Variants in BICC1 observed in about 807,000 individuals in gnomAD.
The protein encoded by BICC1 is BicC family RNA binding protein 1.
In BICC1, 43 loss-of-function variants were observed where a neutral mutation model predicts 111.0. The observed-to-expected ratio is 0.39, with a 90% CI of 0.30 to 0.50. The LOEUF is 0.50. Ranked by LOEUF, BICC1 falls within the 20% of genes least tolerant of loss-of-function variation. The pLI, the probability that BICC1 is intolerant of heterozygous loss-of-function variation, is 0.88. For synonymous variants in BICC1, 467 were observed against 434.4 expected (o/e 1.07, Z -0.93); for missense variants, 1,091 against 1,203.2 (o/e 0.91, Z 1.38).
chr10:58,768,506 T>G (rs539635691), intron 3 of BICC1, among the ~76,000 whole-genome samples: 1 of 152,218 alleles, frequency 6.6e-6, no homozygotes, highest in South Asian at 2.1e-4. Flanking sequence ...AGCATGAAAA[T>G]ATAGTATTTT....
chr10:58,526,741 T>C (rs2131841695), intron 1 of BICC1, among the ~76,000 whole-genome samples: 1 of 152,206 alleles, frequency 6.6e-6, no homozygotes, highest in East Asian at 1.9e-4. Context: ...ATCCATGCCC[T>C]ACCAAGGACA....
intron 1 of BICC1, among the ~76,000 whole-genome samples, chr10:58,530,993 A>G (rs1842668272): frequency 6.6e-6 from 1 of 151,888 alleles, no homozygotes. Context: ...TGGTTTTGAA[A>G]CAGGTAAGAA....
chr10:58,825,880 A>T (rs575518678), intron 20 of BICC1, among the ~76,000 whole-genome samples: 3 of 152,172 alleles, frequency 2.0e-5, no homozygotes, highest in Non-Finnish European at 4.4e-5. Context: ...AAGCAAAGTT[A>T]TGACATCATG....
At chr10:58,596,281 C>T (rs1371176827) in intron 1 of BICC1, among the ~76,000 whole-genome samples, 1 of 152,154 alleles carries the variant, frequency 6.6e-6, no homozygotes, top group Non-Finnish European at 1.5e-5. Context: ...TAAATGTAAT[C>T]CATCACATAA....
chr10:58,711,800 TTTTTTTTG>T (rs965547197), intron 3 of BICC1, among the ~76,000 whole-genome samples: 3 of 27,974 alleles, frequency 1.1e-4, no homozygotes, highest in African/African-American at 2.1e-4. Flanking sequence ...CTGGTAGTTT[TTTTTTTTG>T]TTTTTTTTTT....
intron 1 of BICC1, among the ~76,000 whole-genome samples, chr10:58,595,524 C>T (rs1370700174): frequency 6.6e-6 from 1 of 152,146 alleles, no homozygotes; most frequent in Non-Finnish European, 1.5e-5. Context: ...TCTCTCAGAC[C>T]ACAGTGCAAT....
At chr10:58,678,910 A>G (rs1167090972) in intron 2 of BICC1, among the ~76,000 whole-genome samples, 3 of 152,250 alleles carry the variant, frequency 2.0e-5, no homozygotes, top group Admixed American at 6.5e-5. Flanking sequence ...ATACATGGAA[A>G]CTGAACAACC....
At chr10:58,703,753 A>G (rs1374431670) in intron 3 of BICC1, among the ~76,000 whole-genome samples, 1 of 152,238 alleles carries the variant, frequency 6.6e-6, no homozygotes, top group Non-Finnish European at 1.5e-5. Flanking sequence ...GAACTTGAAC[A>G]TAGACTAAAT....
chr10:58,802,404 G>C (rs1033231759), intron 14 of BICC1, among the ~76,000 whole-genome samples: 2 of 152,194 alleles, frequency 1.3e-5, no homozygotes, highest in African/African-American at 4.8e-5. Flanking sequence ...GTACTTGATT[G>C]ATATTGCAAT....
intron 2 of BICC1, among the ~76,000 whole-genome samples, chr10:58,645,952 C>T (rs746469225): frequency 3.9e-5 from 6 of 152,184 alleles, no homozygotes; most frequent in East Asian, 3.8e-4. Flanking sequence ...CCCTCACATA[C>T]GCAGTTATGG....
chr10:58,691,496 C>T (rs750445138), intron 2 of BICC1, among the ~76,000 whole-genome samples: 42 of 152,170 alleles, frequency 2.8e-4, no homozygotes, highest in Middle Eastern at 3.2e-3. Context: ...CCACACACCA[C>T]GAAAATTGTC....
intron 3 of BICC1, among the ~76,000 whole-genome samples, chr10:58,762,701 CT>C (rs1406311213): frequency 6.6e-6 from 1 of 152,066 alleles, no homozygotes; most frequent in Non-Finnish European, 1.5e-5. Flanking sequence ...CATTAAGCTT[CT>C]GTACACACTC....
At chr10:58,738,846 A>T (rs1038628276) in intron 3 of BICC1, among the ~76,000 whole-genome samples, 7 of 151,848 alleles carry the variant, frequency 4.6e-5, no homozygotes, top group African/African-American at 1.7e-4. Flanking sequence ...TTCTCTTTGA[A>T]GCAATTGTGA....
At chr10:58,570,287 G>T (rs1003853057) in intron 1 of BICC1, among the ~76,000 whole-genome samples, 24 of 152,186 alleles carry the variant, frequency 1.6e-4, no homozygotes, top group African/African-American at 5.8e-4. Flanking sequence ...CAGGGTTAGA[G>T]AAATTATCTT....
intron 3 of BICC1, chr10:58,715,898 G>A: frequency 3.2e-6 from 4 of 1,236,800 alleles, no homozygotes; most frequent in Non-Finnish European, 4.6e-6. Context: ...GATTCTTCCA[G>A]CAATTCTTCT....
chr10:58,642,067 G>A (rs1838140345), intron 2 of BICC1, among the ~76,000 whole-genome samples: 1 of 152,212 alleles, frequency 6.6e-6, no homozygotes, highest in South Asian at 2.1e-4. Flanking sequence ...AACTGGAATA[G>A]CCAGGTCTCT....
intron 15 of BICC1, among the ~76,000 whole-genome samples, chr10:58,803,837 C>G (rs551926790): frequency 6.6e-6 from 1 of 152,282 alleles, no homozygotes; most frequent in South Asian, 2.1e-4. Context: ...AGTCTAATTA[C>G]TCAGAATAGA....
intron 14 of BICC1, 76 bp from the exon 15 acceptor site, chr10:58,803,001 A>C: frequency 7.5e-7 from 1 of 1,336,576 alleles, no homozygotes; most frequent in African/African-American, 1.5e-5. Context: ...CATGCATAGT[A>C]AATGTGGCAT....
At chr10:58,567,627 G>A (rs1384455193) in intron 1 of BICC1, among the ~76,000 whole-genome samples, 4 of 151,622 alleles carry the variant, frequency 2.6e-5, no homozygotes, top group African/African-American at 7.3e-5. Context: ...TGACTTTAAT[G>A]TTTCAGCATA....
Sources: allele counts gnomAD v4.1 joint callset (sites outside exome capture counted in the v4.1 genomes callset), GRCh38; gene constraint gnomAD v4.1.1; transcripts MANE v1.5; gene names NCBI Gene and HGNC (gene_info 2026-07-23, HGNC 2026-07-21).